Variants in SMYD3 observed in about 807,000 individuals in gnomAD.
The protein encoded by SMYD3 is histone-lysine N-methyltransferase SMYD3.
Under a neutral mutation model 57.7 loss-of-function variants are expected in SMYD3, and 36 were observed. The observed-to-expected ratio is 0.62, with a 90% CI of 0.48 to 0.82. SMYD3 has a LOEUF of 0.82. Among genes scored for constraint, SMYD3 ranks in the 40% least tolerant of loss-of-function variants. The probability of loss-of-function intolerance (pLI) is 0.00; values close to 1 mark genes in which losing one functional copy is unlikely to be tolerated. For synonymous variants in SMYD3, 211 were observed against 195.0 expected (o/e 1.08, Z -0.68); for missense variants, 515 against 538.8 (o/e 0.96, Z 0.44).
intron 5 of SMYD3, among the ~76,000 whole-genome samples, chr1:246,311,453 T>C (rs1246593470): frequency 6.6e-6 from 1 of 152,240 alleles, no homozygotes; most frequent in East Asian, 1.9e-4. Context: ...CAAAATGTCA[T>C]CACATCCTTG....
chr1:246,078,680 A>AT (rs2060586920), intron 5 of SMYD3, among the ~76,000 whole-genome samples: 1 of 152,248 alleles, frequency 6.6e-6, no homozygotes, highest in Admixed American at 6.5e-5. Flanking sequence ...TAAGAGGTTG[A>AT]TTCAGCGACC....
At chr1:246,280,128 T>G (rs1162030811) in intron 5 of SMYD3, among the ~76,000 whole-genome samples, 1 of 152,190 alleles carries the variant, frequency 6.6e-6, no homozygotes, top group East Asian at 1.9e-4. Flanking sequence ...TGAGGTGATT[T>G]TATTTAAAGT....
At chr1:246,462,267 CGGGGCCTGCTGGGT>C (rs1558476100) in intron 1 of SMYD3, among the ~76,000 whole-genome samples, 9 of 11,594 alleles carry the variant, frequency 7.8e-4, no homozygotes, top group South Asian at 6.2e-3. Context: ...CATCCTCCCG[CGGGGCCTGCTGGGT>C]ACAGTGCATC....
chr1:245,760,665 G>A (rs914807569), intron 11 of SMYD3, among the ~76,000 whole-genome samples: 1 of 152,180 alleles, frequency 6.6e-6, no homozygotes, highest in African/African-American at 2.4e-5. Context: ...GTCTATGTTA[G>A]GTGGCACCAG....
intron 5 of SMYD3, among the ~76,000 whole-genome samples, chr1:246,292,167 C>T (rs1229985882): frequency 2.8e-5 from 4 of 144,210 alleles, no homozygotes; most frequent in Non-Finnish European, 3.0e-5. Flanking sequence ...AACACACCAG[C>T]ATCTTAGACT....
chr1:246,457,654 C>T (rs888694432), intron 1 of SMYD3, among the ~76,000 whole-genome samples: 1 of 152,138 alleles, frequency 6.6e-6, no homozygotes, highest in Non-Finnish European at 1.5e-5. Flanking sequence ...ACCAATACCT[C>T]CAACCATTCT....
At chr1:245,959,154 A>G (rs1189792128) in intron 5 of SMYD3, among the ~76,000 whole-genome samples, 1 of 152,128 alleles carries the variant, frequency 6.6e-6, no homozygotes, top group African/African-American at 2.4e-5. Flanking sequence ...CAAAAAACAA[A>G]CAAACAAACT....
chr1:246,150,812 A>G (rs569437884), intron 5 of SMYD3, among the ~76,000 whole-genome samples: 11 of 152,304 alleles, frequency 7.2e-5, no homozygotes, highest in Non-Finnish European at 1.3e-4. Flanking sequence ...TGGCTTACTC[A>G]CTTCCCCTCC....
At chr1:246,002,903 C>T (rs1369431977) in intron 5 of SMYD3, among the ~76,000 whole-genome samples, 3 of 152,172 alleles carry the variant, frequency 2.0e-5, no homozygotes, top group Non-Finnish European at 4.4e-5. Flanking sequence ...GCCTGAGCCT[C>T]CGCGCCCGGC....
chr1:246,297,864 T>G (rs931768658), intron 5 of SMYD3, among the ~76,000 whole-genome samples: 1 of 152,276 alleles, frequency 6.6e-6, no homozygotes, highest in African/African-American at 2.4e-5. Flanking sequence ...CATAGGACAA[T>G]GATCTTCATA....
At chr1:245,825,552 C>A (rs140014396) in intron 10 of SMYD3, among the ~76,000 whole-genome samples, 339 of 152,226 alleles carry the variant, frequency 2.2e-3, no homozygotes, top group African/African-American at 7.8e-3. Context: ...CTAGGCGGGC[C>A]GAGGCCATGC....
chr1:246,275,223 AGCTCT>A (rs2064306299), intron 5 of SMYD3, among the ~76,000 whole-genome samples: 2 of 152,244 alleles, frequency 1.3e-5, no homozygotes, highest in African/African-American at 4.8e-5. Flanking sequence ...GAAACTACTC[AGCTCT>A]GCTGCTGTAA....
chr1:245,831,987 C>T (rs1178217261), intron 10 of SMYD3, among the ~76,000 whole-genome samples: 8 of 152,200 alleles, frequency 5.3e-5, no homozygotes, highest in Admixed American at 5.2e-4. Flanking sequence ...TCCTAAAGCT[C>T]ACTGCCTTTC....
In SMYD3 at chr1:246,082,967, C is replaced by T. The variant is rs931096489; in HGVS notation, c.532-153030G>A. ...CTCCCTAATCTCAAGTACCCAGGGG[C>T]ACAAACACTGCGGAAGGCTGCAGGG... On this transcript the variant is annotated intron_variant, in intron 5 of 11. Coordinates refer to ENST00000490107, the MANE Select transcript of SMYD3 (RefSeq NM_001167740.2). Among the ~76,000 whole-genome samples the T allele has an allele frequency of 3.4e-5, 5 of 146,522 alleles. 1 individual carries two copies. Among genetic ancestry groups the T allele is most frequent in the African/African-American group, 1.3e-4 (5 of 37,434 alleles).
intron 10 of SMYD3, among the ~76,000 whole-genome samples, chr1:245,764,771 G>C (rs2045998432): frequency 6.6e-6 from 1 of 152,042 alleles, no homozygotes; most frequent in Admixed American, 6.6e-5. Context: ...TGACATGCAG[G>C]AGGAACTCAA....
chr1:245,988,028 C>T (rs1244302120), intron 5 of SMYD3, among the ~76,000 whole-genome samples: 2 of 152,036 alleles, frequency 1.3e-5, no homozygotes, highest in South Asian at 2.1e-4. Flanking sequence ...CCGCTCCATA[C>T]CTCAGAACTA....
chr1:246,454,352 C>A (rs2067671512), intron 1 of SMYD3, among the ~76,000 whole-genome samples: 1 of 151,954 alleles, frequency 6.6e-6, no homozygotes, highest in African/African-American at 2.4e-5. Context: ...ATGATTCCAT[C>A]AAGAGAAATA....
chr1:246,014,492 CCT>C, intron 5 of SMYD3, among the ~76,000 whole-genome samples: 1 of 152,056 alleles, frequency 6.6e-6, no homozygotes, highest in East Asian at 1.9e-4. Context: ...CGGGCTTATC[CCT>C]GACTCTAGGA....
At chr1:246,092,852 A>G (rs1267778912) in intron 5 of SMYD3, among the ~76,000 whole-genome samples, 1 of 152,162 alleles carries the variant, frequency 6.6e-6, no homozygotes, top group East Asian at 1.9e-4. Context: ...CAAACTCTCC[A>G]TCTGACAAGT....
Sources: gnomAD v4.1 joint callset for allele counts (sites outside exome capture counted in the v4.1 genomes callset) on GRCh38, gnomAD v4.1.1 for gene constraint, MANE v1.5 for transcripts, NCBI Gene and HGNC (gene_info 2026-07-23, HGNC 2026-07-21) for gene names.